PLEKHG2: variants seen among roughly 807,000 people sequenced by gnomAD.
The protein encoded by PLEKHG2 is pleckstrin homology domain-containing family G member 2.
PLEKHG2 carries 71 observed loss-of-function variants against 104.4 expected under a neutral mutation model. The observed-to-expected ratio is 0.68, with a 90% CI of 0.56 to 0.83. The LOEUF (loss-of-function observed/expected upper bound fraction) is 0.83. Among genes scored for constraint, PLEKHG2 ranks in the 40% least tolerant of loss-of-function variants. The pLI is 0.00. For synonymous variants in PLEKHG2, 728 were observed against 737.0 expected (o/e 0.99, Z 0.20); for missense variants, 1,730 against 1,809.4 (o/e 0.96, Z 0.80).
In PLEKHG2 at chr19:39,426,368, C is replaced by T. The variant is rs2078782196; in HGVS notation, c.*1074C>T. On this transcript the variant is annotated 3_prime_UTR_variant, in exon 19 of 19. Transcript: ENST00000425673. ...CCTCTACAATTCATCCACATGCTCC[C>T]TCCCCCAGCAAAATAATTCAGGTCG... 6.6e-6 allele frequency: 1 copy of T among 152,304 alleles called. No homozygotes were observed. Among genetic ancestry groups the T allele is most frequent in the South Asian group, 2.1e-4 (1 of 4,834 alleles). 9.4% of individuals were successfully genotyped at this position (152,304 alleles called of 1,614,324 possible).
Position 39,414,097 on chromosome 19 carries a change from G to A in PLEKHG2, c.11G>A (p.Gly4Glu). The A allele has an allele frequency of 6.4e-7, 1 of 1,551,368 alleles. No homozygotes were observed. The highest frequency in any genetic ancestry group is 8.7e-7 in the Non-Finnish European group (1 of 1,146,826). Residue 4 changes from glycine to glutamate, a missense_variant, in exon 2 of 19, where the codon GGA becomes GAA. Gly to Glu is a moderately conservative substitution (Grantham distance 98). Coordinates refer to ENST00000425673, the MANE Select transcript of PLEKHG2 (RefSeq NM_022835.3). Reference sequence around the variant, plus strand: ...CTGGGCCGCTCAGCCATGCCTGAGGGAGCCCAAGGACTGAGCCTCTCCAAA... The same window carrying A: ...CTGGGCCGCTCAGCCATGCCTGAGGAAGCCCAAGGACTGAGCCTCTCCAAA... The part of the protein sequence containing the change: MPE[G>E]AQGLSLSKPS...
At chr19:39,417,734 A>AG in intron 8 of PLEKHG2, 42 bp downstream of exon 8, 1 of 785,702 alleles carries the variant, frequency 1.3e-6, no homozygotes, top group Non-Finnish European at 1.8e-6. Context: ...TGAGGGAGTG[A>AG]GCGAGGGGGC....
Position 39,416,514 on chromosome 19 carries a change from G to T in PLEKHG2, c.547-37G>T. 6.2e-7 allele frequency: 1 copy of T among 1,613,548 alleles called. No individual in the cohort carries two copies. ...CTGGAAGGGGGGTCGTGGGAAGCCA[G>T]GACCTGGGGTCTCCCTGACTCCCAT... On this transcript the variant is annotated intron_variant, in intron 5 of 18. Transcript: ENST00000425673. The surrounding 1 kb of genome is among the most constrained non-coding windows in gnomAD (Gnocchi z 4.5).
At chr19:39,421,355 A>G in intron 16 of PLEKHG2, 56 bp downstream of exon 16, 1 of 1,578,272 alleles carries the variant, frequency 6.3e-7, no homozygotes, top group Non-Finnish European at 8.7e-7. Context: ...TCTGATGGAG[A>G]AGGGAGCTTG....
rs1483412288 is a variant in PLEKHG2 at position 39,415,807 on chromosome 19, G to C, written c.479+368G>C. The stretch of plus-strand genomic sequence containing the variant: ...GAGTCCTTGGGGCTGTGTCAGGTCT[G>C]GGCTCACGATGAATCCAAGAATCAT... On this transcript the variant is annotated intron_variant, in intron 4 of 18. Transcript: ENST00000425673. This position sits in a 1 kb window ranked among gnomAD's most constrained non-coding sequence, Gnocchi z 4.6. Among the ~76,000 whole-genome samples the C allele has an allele frequency of 2.0e-5, 3 of 152,166 alleles. No individual in the cohort carries two copies. The highest frequency in any genetic ancestry group is 7.2e-5 in the African/African-American group (3 of 41,418).
At chr19:39,419,110 G>T in intron 11 of PLEKHG2, 107 bp downstream of exon 11, 1 of 1,030,856 alleles carries the variant, frequency 9.7e-7, no homozygotes, top group Non-Finnish European at 1.4e-6. Flanking sequence ...GTTATAATGT[G>T]ATTGCTAAAA....
chr19:39,421,867 A>G (rs2078703245), intron 16 of PLEKHG2: 2 of 337,100 alleles, frequency 5.9e-6, no homozygotes, highest in Admixed American at 4.7e-5. Context: ...AAATACAAAA[A>G]TTAGCTGGAC....
At chr19:39,414,924 C>A in intron 2 of PLEKHG2, 68 bp from the exon 3 acceptor site, 1 of 1,477,544 alleles carries the variant, frequency 6.8e-7, no homozygotes, top group Non-Finnish European at 9.0e-7. Flanking sequence ...GTGGGCTGAA[C>A]GCATGAAAGG....
chr19:39,415,232 A>C lies in PLEKHG2; in HGVS notation c.350A>C (p.Tyr117Ser). 1.3e-6 allele frequency: 2 copies of C among 1,585,830 alleles called. No individual in the cohort carries two copies. The highest frequency in any genetic ancestry group is 1.7e-6 in the Non-Finnish European group (2 of 1,165,352). ...AREIVETERA[Y>S]VRDLRSIVED... ...GAGATCGTGGAGACAGAACGGGCCT[A>C]TGTCAGGGACCTCCGCAGCATCGTG... Residue 117 changes from tyrosine to serine, a missense_variant, in exon 3 of 19, where the codon TAT (tyrosine) becomes TCT (serine). Coordinates refer to ENST00000425673, the MANE Select transcript of PLEKHG2 (RefSeq NM_022835.3). This position sits in a 1 kb window ranked among gnomAD's most constrained non-coding sequence, Gnocchi z 4.6.
rs751195313 is a variant in PLEKHG2, at chr19:39,418,977, A to G, written c.1237A>G (p.Asn413Asp). ...IHCLQRLFFE[N>D]HPASIPAKAK... ...CTGTCTCCAGCGCCTCTTCTTTGAG[A>G]ACCACCCTGCCTCCATCCCTGCCAA... The change falls in exon 11 of 19, where the codon AAC becomes GAC. Residue 413 changes from asparagine to aspartate, a missense_variant. Asn to Asp is a conservative substitution (Grantham distance 23). Transcript: ENST00000425673. The G allele has an allele frequency of 6.2e-7, 1 of 1,612,788 alleles. No homozygotes were observed. The highest frequency in any genetic ancestry group is 1.3e-5 in the African/African-American group (1 of 74,870).
At position 39,425,295 on chromosome 19, in the gene PLEKHG2, G is replaced by C. The variant is rs1444660653; in HGVS notation, c.*1G>C. ...TCCTGATGCCCCCTTCCACATGTGA[G>C]CCAGGACATGAGGCTTCCCTGAAGC... On this transcript the variant is annotated 3_prime_UTR_variant, in exon 19 of 19. Transcript: ENST00000425673. 6.2e-7 allele frequency: 1 copy of C among 1,604,914 alleles called. No individual in the cohort carries two copies. The highest frequency in any genetic ancestry group is 1.7e-5 in the Admixed American group (1 of 57,164).
Position 39,424,415 on chromosome 19 carries a change from A to G in PLEKHG2, c.3282A>G (p.Leu1094=), listed in dbSNP as rs2078751090. 1 of 1,614,000 alleles carries G rather than the reference A, an allele frequency of 6.2e-7. No homozygotes were observed. Among genetic ancestry groups the G allele is most frequent in the Non-Finnish European group, 8.5e-7 (1 of 1,179,980 alleles). The change falls in exon 19 of 19, where the codon CTA becomes CTG. Residue 1094 remains leucine, a synonymous_variant. Transcript: ENST00000425673. ...ATCCCCAGGGCCCAGGCGACACCCT[A>G]CCACCCTTGCCATGTCACCTCCCAG... ...SLDPQGPGDT[L]PPLPCHLPDL...
Position 39,413,158 on chromosome 19 carries a change from G to C in PLEKHG2, c.-277G>C, listed in dbSNP as rs2078545189. On this transcript the variant is annotated 5_prime_UTR_variant, in exon 1 of 19. Coordinates refer to ENST00000425673, the MANE Select transcript of PLEKHG2 (RefSeq NM_022835.3). The surrounding 1 kb of genome is among the most constrained non-coding windows in gnomAD (Gnocchi z 4.5). ...ATCCCCCACCCCACGGCCCTACCTA[G>C]AAGACTTAGGAATGTGGGTCCCCAG... 6.6e-6 allele frequency: 1 copy of C among 152,218 alleles called. No individual in the cohort carries two copies. Among genetic ancestry groups the C allele is most frequent in the African/African-American group, 2.4e-5 (1 of 41,424 alleles). 9.4% of individuals were successfully genotyped at this position (152,218 alleles called of 1,614,324 possible).
intron 9 of PLEKHG2, 78 bp downstream of exon 9, chr19:39,418,183 G>C: frequency 8.0e-7 from 1 of 1,247,588 alleles, no homozygotes. Flanking sequence ...GTGCCCGGCA[G>C]TGTGGGCCAG....
intron 12 of PLEKHG2, 41 bp downstream of exon 12, chr19:39,420,700 G>A (rs749231679): frequency 2.5e-6 from 4 of 1,613,932 alleles, no homozygotes; most frequent in South Asian, 1.1e-5. Flanking sequence ...GGAAGTAGAC[G>A]AATTACTTCC....
In PLEKHG2 at chr19:39,415,892, C is replaced by T. The variant is rs1442027416; in HGVS notation, c.479+453C>T. 6.6e-6 allele frequency among the ~76,000 whole-genome samples: 1 copy of T among 152,180 alleles called. No individual in the cohort carries two copies. Among genetic ancestry groups the T allele is most frequent in the African/African-American group, 2.4e-5 (1 of 41,428 alleles). ...GAGTGACCCCCTAAGCCTGATTTGC[C>T]TGGGACTTTTCCAGTTTTAGCACTG... On this transcript the variant is annotated intron_variant, in intron 4 of 18. Transcript: ENST00000425673. The surrounding 1 kb of genome is among the most constrained non-coding windows in gnomAD (Gnocchi z 4.6).
chr19:39,418,215 G>A (rs2078639945), intron 9 of PLEKHG2, 110 bp downstream of exon 9: 1 of 986,810 alleles, frequency 1.0e-6, no homozygotes, highest in South Asian at 3.2e-5. Flanking sequence ...ACATTTTCTT[G>A]AGTTAGAGAA....
At chr19:39,417,756 T>TGGGGGCCTGGGGGGGGGG in intron 8 of PLEKHG2, 64 bp downstream of exon 8, 3 of 343,326 alleles carry the variant, frequency 8.7e-6, no homozygotes, top group Non-Finnish European at 8.9e-6. Context: ...TTGGGGCGGG[T>TGGGGGCCTGGGGGGGGGG]GGGGGGAAAT....
intron 11 of PLEKHG2, among the ~76,000 whole-genome samples, chr19:39,419,470 G>A (rs1033932043): frequency 6.6e-5 from 10 of 152,210 alleles, no homozygotes; most frequent in East Asian, 1.9e-4. Flanking sequence ...GGCCAGGCAC[G>A]GTGGCTCACA....
Sources: gnomAD v4.1 joint callset for allele counts (sites outside exome capture counted in the v4.1 genomes callset) on GRCh38, gnomAD v4.1.1 for gene constraint, Gnocchi (gnomAD v3.1) non-coding constraint, MANE v1.5 for transcripts, NCBI Gene and HGNC (gene_info 2026-07-23, HGNC 2026-07-21) for gene names.